GAS2L3: variants seen among roughly 807,000 people sequenced by gnomAD.
The protein encoded by GAS2L3 is GAS2-like protein 3.
A neutral mutation model predicts 37.0 loss-of-function variants in GAS2L3; 28 were observed. That is an observed-to-expected ratio of 0.76 (90% confidence interval 0.56 to 1.04). The LOEUF (loss-of-function observed/expected upper bound fraction) is 1.04, where lower values mean the gene tolerates loss of function less well. Ranked by LOEUF, GAS2L3 falls within the 50% of genes least tolerant of loss-of-function variation. The probability of loss-of-function intolerance (pLI) is 0.00; values close to 1 mark genes in which losing one functional copy is unlikely to be tolerated. For synonymous variants in GAS2L3, 290 were observed against 296.6 expected, an observed-to-expected ratio of 0.98 and a Z score of 0.23; for missense variants, 793 against 817.6, an observed-to-expected ratio of 0.97 and a Z score of 0.37.
intron 6 of GAS2L3, among the ~76,000 whole-genome samples, chr12:100,617,015 CTT>C (rs763304362): frequency 4.4e-5 from 6 of 135,390 alleles, no homozygotes; most frequent in Admixed American, 7.3e-5. Context: ...TTTGTTCAGT[CTT>C]TTTTTTTTTT....
At position 100,625,952 on chromosome 12, in the gene GAS2L3, A is replaced by G. The variant is rs1485616404; in HGVS notation, c.*1062A>G. 6.6e-6 allele frequency: 1 copy of G among 152,166 alleles called. No individual in the cohort carries two copies. The highest frequency in any genetic ancestry group is 1.5e-5 in the Non-Finnish European group (1 of 68,034). The allele number at this position is 152,166 out of a possible 1,614,324, so 9.4% of individuals were successfully genotyped here. ...AAGTTATGCTGCCTTCAGTTTTCCA[A>G]TGGCAAGTAGACAGGATATGTTCAA... On this transcript the variant is annotated 3_prime_UTR_variant, in exon 10 of 10. Transcript: ENST00000547754.
At chr12:100,603,569 T>C (rs1280839264) in intron 5 of GAS2L3, among the ~76,000 whole-genome samples, 1 of 152,158 alleles carries the variant, frequency 6.6e-6, no homozygotes, top group Non-Finnish European at 1.5e-5. Context: ...TTGCAAATAT[T>C]TTCTCCCATT....
At chr12:100,587,115 A>G (rs1279727163) in intron 1 of GAS2L3, among the ~76,000 whole-genome samples, 1 of 152,168 alleles carries the variant, frequency 6.6e-6, no homozygotes, top group African/African-American at 2.4e-5. Context: ...AGTCCAGGAC[A>G]AGATAGATTC....
chr12:100,620,200 A>G (rs1249213234), intron 8 of GAS2L3, among the ~76,000 whole-genome samples: 1 of 152,054 alleles, frequency 6.6e-6, no homozygotes, highest in Non-Finnish European at 1.5e-5. Flanking sequence ...CAAATAGGGC[A>G]ACGGTTTGGC....
At position 100,617,779 on chromosome 12, in the gene GAS2L3, C is replaced by T; in HGVS notation, c.481C>T (p.Leu161Phe). The T allele has an allele frequency of 6.2e-7, 1 of 1,607,738 alleles. No homozygotes were observed. The highest frequency in any genetic ancestry group is 1.1e-5 in the South Asian group (1 of 90,702). The change falls in exon 7 of 10, where the codon CTT (leucine) becomes TTT (phenylalanine). Residue 161 changes from leucine to phenylalanine, a missense_variant. By Grantham distance (22) the Leu-to-Phe change is conservative. Coordinates refer to ENST00000547754, the MANE Select transcript of GAS2L3 (RefSeq NM_174942.3). ...AGATCCAAGACAGGTGTATCTTTGT[C>T]TTCTTGAAATTGGTCGAATTGTGTC... ...HKDPRQVYLC[L>F]LEIGRIVSRY...
In GAS2L3 at chr12:100,594,886, C is replaced by G; in HGVS notation, c.-19C>G. 1 of 1,305,806 alleles carries G rather than the reference C, an allele frequency of 7.7e-7. No individual in the cohort carries two copies. The highest frequency in any genetic ancestry group is 1.0e-6 in the Non-Finnish European group (1 of 969,942). The allele number at this position is 1,305,806 out of a possible 1,614,324, so 80.9% of individuals were successfully genotyped here. On this transcript the variant is annotated 5_prime_UTR_variant, in exon 3 of 10. Transcript: ENST00000547754. The stretch of plus-strand genomic sequence containing the variant: ...TGTTCTTTTTTCAGAAAAGAAATTT[C>G]ATTTCAATATAGGTGACTATGCAGC...
intron 1 of GAS2L3, among the ~76,000 whole-genome samples, chr12:100,588,206 C>T (rs901665502): frequency 1.3e-5 from 2 of 152,106 alleles, no homozygotes; most frequent in African/African-American, 4.8e-5. Context: ...GGGAACCCAC[C>T]CCCAATATTT....
chr12:100,586,494 C>T (rs536227853), intron 1 of GAS2L3, among the ~76,000 whole-genome samples: 6 of 152,126 alleles, frequency 3.9e-5, no homozygotes, highest in Admixed American at 1.3e-4. Flanking sequence ...GGGTCAAAAA[C>T]GAAATCAAGA....
chr12:100,609,296 C>G (rs753925407), intron 5 of GAS2L3, among the ~76,000 whole-genome samples: 2 of 152,208 alleles, frequency 1.3e-5, no homozygotes, highest in East Asian at 3.9e-4. Context: ...TAGCATGTCT[C>G]AGAGCCCAAC....
chr12:100,611,935 CA>C, intron 5 of GAS2L3, 64 bp from the exon 6 acceptor site: 1 of 1,101,570 alleles, frequency 9.1e-7, no homozygotes, highest in Non-Finnish European at 1.4e-6. Flanking sequence ...TTAGCAATAT[CA>C]AAATGAATGT....
At chr12:100,573,934 C>G (rs1339589305) in intron 1 of GAS2L3, 149 bp downstream of exon 1, 5 of 152,334 alleles carry the variant, frequency 3.3e-5, no homozygotes, top group African/African-American at 1.2e-4. Flanking sequence ...GCTGCGGGAG[C>G]CAGTACGCTC....
intron 5 of GAS2L3, among the ~76,000 whole-genome samples, chr12:100,605,403 A>G (rs1956043979): frequency 6.6e-6 from 1 of 151,190 alleles, no homozygotes. Context: ...TCTTAGTCTG[A>G]CTTAAGGTCT....
At chr12:100,592,281 A>G (rs74695538) in intron 2 of GAS2L3, 2,924 of 152,220 alleles carry the variant, frequency 0.019, 75 homozygotes, top group African/African-American at 0.061. Flanking sequence ...TGGATGGGTG[A>G]CACAATGGCA....
Position 100,600,537 on chromosome 12 carries a change from A to G in GAS2L3, c.174A>G (p.Leu58=). 3.1e-6 allele frequency: 5 copies of G among 1,613,522 alleles called. No homozygotes were observed. Among genetic ancestry groups the G allele is most frequent in the South Asian group, 1.1e-5 (1 of 90,996 alleles). ...LPMQEDLSIW[L]SGLLGIKVKA... is the part of the protein sequence containing the mutation. ...TGCAAGAAGATCTGTCAATCTGGTTATCTGGTTTATTAGGTGAGGCTTGAA... is the reference window on the plus strand; with the variant it reads ...TGCAAGAAGATCTGTCAATCTGGTTGTCTGGTTTATTAGGTGAGGCTTGAA... Residue 58 remains leucine (L), a synonymous_variant, in exon 4 of 10, where the codon TTA becomes TTG. Transcript: ENST00000547754.
At chr12:100,608,843 T>C (rs1252609117) in intron 5 of GAS2L3, among the ~76,000 whole-genome samples, 1 of 152,116 alleles carries the variant, frequency 6.6e-6, no homozygotes, top group Non-Finnish European at 1.5e-5. Context: ...TTACCTGATG[T>C]TCTGTTTTAC....
intron 1 of GAS2L3, chr12:100,578,468 T>G (rs1955665760): frequency 6.4e-6 from 1 of 155,890 alleles, no homozygotes; most frequent in African/African-American, 2.4e-5. Context: ...CCTATCAGTT[T>G]TTTTCTTCTT....
At chr12:100,586,875 A>G (rs190698953) in intron 1 of GAS2L3, among the ~76,000 whole-genome samples, 61 of 152,302 alleles carry the variant, frequency 4.0e-4, no homozygotes, top group African/African-American at 1.4e-3. Flanking sequence ...TAACCTCACT[A>G]AGAAACAAAA....
chr12:100,583,876 A>G (rs1955745491), intron 1 of GAS2L3, among the ~76,000 whole-genome samples: 2 of 152,166 alleles, frequency 1.3e-5, no homozygotes, highest in African/African-American at 4.8e-5. Context: ...ATGTTGGGTG[A>G]GAGGCAAAAT....
chr12:100,613,164 C>G (rs1389114822), intron 6 of GAS2L3, among the ~76,000 whole-genome samples: 5 of 152,134 alleles, frequency 3.3e-5, no homozygotes, highest in African/African-American at 9.7e-5. Context: ...TTTGAATTCT[C>G]TAGTTTCTAG....
Sources: gnomAD v4.1 joint callset for allele counts (sites outside exome capture counted in the v4.1 genomes callset) on GRCh38, gnomAD v4.1.1 for gene constraint, MANE v1.5 for transcripts, NCBI Gene and HGNC (gene_info 2026-07-23, HGNC 2026-07-21) for gene names.